The following PPM1L variants were observed in gnomAD, a reference collection of about 807,000 sequenced individuals.
PPM1L encodes protein phosphatase, Mg2+/Mn2+ dependent 1L.
PPM1L carries 13 observed loss-of-function variants against 31.4 expected under a neutral mutation model. The observed-to-expected ratio is 0.41, with a 90% CI of 0.27 to 0.66. PPM1L has a LOEUF of 0.66. Ranked by LOEUF, PPM1L falls within the 30% of genes least tolerant of loss-of-function variation. PPM1L has a pLI of 0.29. For missense variants in PPM1L, 326 were observed against 453.7 expected (o/e 0.72, Z 2.56); for synonymous variants, 184 against 175.4 (o/e 1.05, Z -0.39).
chr3:160,917,955 A>G (rs1282960851), intron 1 of PPM1L, among the ~76,000 whole-genome samples: 1 of 152,240 alleles, frequency 6.6e-6, no homozygotes. Flanking sequence ...GTCAAGATTT[A>G]GCACCTTGAC....
In PPM1L at chr3:161,071,340, C is replaced by T. The variant is rs1719911845; in HGVS notation, c.*2183C>T. 6.6e-6 allele frequency: 1 copy of T among 152,138 alleles called. No homozygotes were observed. The highest frequency in any genetic ancestry group is 2.1e-4 in the South Asian group (1 of 4,830). 9.4% of individuals were successfully genotyped at this position (152,138 alleles called of 1,614,324 possible). A position where few individuals can be genotyped will look rare whatever the true frequency, so the allele number is the denominator to read the frequency against. On this transcript the variant is annotated 3_prime_UTR_variant, in exon 4 of 4. Coordinates refer to ENST00000498165, the MANE Select transcript of PPM1L (RefSeq NM_139245.4). Reference sequence around the variant, plus strand: ...GCAAGGAAAAGACATTTTTAAATTCCGGTTATTTTTATTGTCTAAAATGAA... The same window carrying T: ...GCAAGGAAAAGACATTTTTAAATTCTGGTTATTTTTATTGTCTAAAATGAA...
At chr3:160,804,174 C>T (rs1191264487) in intron 1 of PPM1L, among the ~76,000 whole-genome samples, 11 of 152,028 alleles carry the variant, frequency 7.2e-5, no homozygotes, top group Admixed American at 6.5e-4. Context: ...TCTCGTGATC[C>T]GCCCACCTCA....
At chr3:160,957,173 G>A (rs928479752) in intron 1 of PPM1L, among the ~76,000 whole-genome samples, 1 of 152,242 alleles carries the variant, frequency 6.6e-6, no homozygotes, top group Non-Finnish European at 1.5e-5. Flanking sequence ...TTCTGTTCCT[G>A]TGTTACTTTG....
At chr3:160,814,492 CACACATATATGTATGTGTATATATAT>C (rs1560114603) in intron 1 of PPM1L, among the ~76,000 whole-genome samples, 44 of 149,158 alleles carry the variant, frequency 2.9e-4, no homozygotes, top group South Asian at 1.1e-3. Flanking sequence ...CACACACACA[CACACATATATGTATGTGTATATATAT>C]ACACACACAT....
intron 1 of PPM1L, 34 bp from the exon 2 acceptor site, chr3:160,961,702 T>C (rs769845906): frequency 6.5e-7 from 1 of 1,547,694 alleles, no homozygotes; most frequent in Admixed American, 2.2e-5. Context: ...GAATTTCTAA[T>C]GGAGTTCTCT....
intron 1 of PPM1L, among the ~76,000 whole-genome samples, chr3:160,952,493 A>G (rs1178614187): frequency 2.6e-5 from 4 of 152,178 alleles, no homozygotes; most frequent in East Asian, 1.9e-4. Flanking sequence ...CCTTGTGATC[A>G]TCCCTCGGTG....
intron 1 of PPM1L, among the ~76,000 whole-genome samples, chr3:160,870,129 G>A (rs867780556): frequency 8.5e-5 from 13 of 152,110 alleles, no homozygotes; most frequent in African/African-American, 3.1e-4. Context: ...TGGGTGTGGG[G>A]GTAGGGGAGG....
At chr3:160,956,602 C>A (rs908415173) in intron 1 of PPM1L, among the ~76,000 whole-genome samples, 1 of 152,182 alleles carries the variant, frequency 6.6e-6, no homozygotes, top group African/African-American at 2.4e-5. Flanking sequence ...TGGAGAAGAT[C>A]AAATGATTAT....
Position 160,971,200 on chromosome 3 carries a change from T to C in PPM1L, c.574+9290T>C, listed in dbSNP as rs577694123. ...TTTTTGTCTATGGTGGGACGTTGCA[T>C]CTCTCTGCATGGTTTCTTCAACTGT... On this transcript the variant is annotated intron_variant, in intron 2 of 3. Coordinates refer to ENST00000498165, the MANE Select transcript of PPM1L (RefSeq NM_139245.4). Among the ~76,000 whole-genome samples, 6 of 152,316 alleles carry C rather than the reference T, an allele frequency of 3.9e-5. No individual in the cohort carries two copies. In the East Asian group the frequency reaches 1.2e-3, roughly 29 times the overall value.
rs1384475492 is a variant in PPM1L, at chr3:161,075,981, C to A, written c.*6824C>A. Reference sequence around the variant, plus strand: ...CAGATAAACACAGTCACAGGTACAACTGGGAGCGAGTTTTAACATAGTGGT... The same window carrying A: ...CAGATAAACACAGTCACAGGTACAAATGGGAGCGAGTTTTAACATAGTGGT... On this transcript the variant is annotated 3_prime_UTR_variant, in exon 4 of 4. Transcript: ENST00000498165. The A allele has an allele frequency of 2.6e-5, 4 of 152,142 alleles. No individual in the cohort carries two copies. Among genetic ancestry groups the A allele is most frequent in the African/African-American group, 9.7e-5 (4 of 41,440 alleles). 9.4% of individuals were successfully genotyped at this position (152,142 alleles called of 1,614,324 possible). A position where few individuals can be genotyped will look rare whatever the true frequency, so the allele number is the denominator to read the frequency against.
At chr3:161,015,752 C>A (rs1171545228) in intron 2 of PPM1L, among the ~76,000 whole-genome samples, 1 of 152,196 alleles carries the variant, frequency 6.6e-6, no homozygotes, top group Non-Finnish European at 1.5e-5. Context: ...CTAATTAAAA[C>A]CTGCTCAGTG....
chr3:160,928,091 A>C (rs1458586892), intron 1 of PPM1L, among the ~76,000 whole-genome samples: 1 of 152,168 alleles, frequency 6.6e-6, no homozygotes, highest in East Asian at 1.9e-4. Flanking sequence ...AAATATTTTA[A>C]AGGAGAGATT....
At chr3:160,980,663 G>GGAAAGAAA (rs1208955051) in intron 2 of PPM1L, among the ~76,000 whole-genome samples, 1 of 147,348 alleles carries the variant, frequency 6.8e-6, no homozygotes, top group Admixed American at 6.9e-5. Context: ...GTGAGACCTT[G>GGAAAGAAA]GAAAGAAAGA....
At chr3:160,889,304 A>G (rs1181269577) in intron 1 of PPM1L, among the ~76,000 whole-genome samples, 1 of 152,232 alleles carries the variant, frequency 6.6e-6, no homozygotes, top group African/African-American at 2.4e-5. Context: ...GAAACAAAAA[A>G]TGATAACGGG....
chr3:161,032,541 A>G (rs74535324), intron 2 of PPM1L, among the ~76,000 whole-genome samples: 2,435 of 152,270 alleles, frequency 0.016, 79 homozygotes, highest in African/African-American at 0.055. Context: ...CAGGTGTTCA[A>G]CTAACACCTA....
intron 1 of PPM1L, among the ~76,000 whole-genome samples, chr3:160,922,552 A>T (rs909639055): frequency 1.3e-5 from 2 of 152,200 alleles, no homozygotes; most frequent in African/African-American, 4.8e-5. Flanking sequence ...TATACAAATG[A>T]TTCATCTAAG....
intron 1 of PPM1L, among the ~76,000 whole-genome samples, chr3:160,761,683 G>A (rs141271590): frequency 9.3e-4 from 141 of 152,216 alleles, no homozygotes; most frequent in African/African-American, 3.3e-3. Flanking sequence ...GTATTAGCCC[G>A]TTTTCATGCT....
chr3:160,956,281 AC>A (rs941672786), intron 1 of PPM1L, among the ~76,000 whole-genome samples: 8 of 152,186 alleles, frequency 5.3e-5, no homozygotes, highest in Non-Finnish European at 8.8e-5. Flanking sequence ...CACATTCAGC[AC>A]CTTTTATGCC....
intron 2 of PPM1L, among the ~76,000 whole-genome samples, chr3:161,012,450 G>A (rs188085036): frequency 6.6e-6 from 1 of 152,200 alleles, no homozygotes; most frequent in Admixed American, 6.5e-5. Flanking sequence ...TTGCATCAAT[G>A]TTAATCAAGG....
Sources: allele counts gnomAD v4.1 joint callset (sites outside exome capture counted in the v4.1 genomes callset), GRCh38; gene constraint gnomAD v4.1.1; transcripts MANE v1.5; gene names NCBI Gene and HGNC (gene_info 2026-07-23, HGNC 2026-07-21).